IKBKE: variants seen among roughly 807,000 people sequenced by gnomAD.
IKBKE encodes inhibitor of nuclear factor kappa-B kinase subunit epsilon.
IKBKE carries 45 observed loss-of-function variants against 92.1 expected under a neutral mutation model. The ratio of observed to expected loss-of-function variants is 0.49; its 90% CI spans 0.38 to 0.63. The LOEUF (loss-of-function observed/expected upper bound fraction) is 0.63, where lower values mean the gene tolerates loss of function less well. IKBKE is among the 20% of genes least tolerant of loss of function. The probability of loss-of-function intolerance (pLI) is 0.00; values close to 1 mark genes in which losing one functional copy is unlikely to be tolerated. For missense variants in IKBKE, 700 were observed against 932.8 expected, an observed-to-expected ratio of 0.75 and a Z score of 3.25; for synonymous variants, 374 against 380.3, an observed-to-expected ratio of 0.98 and a Z score of 0.19.
Position 206,480,108 on chromosome 1 carries a change from G to A in IKBKE, c.1335G>A (p.Trp445Ter), listed in dbSNP as rs1379829897. 1 of 1,572,902 alleles carries A rather than the reference G, an allele frequency of 6.4e-7. No homozygotes were observed. Among genetic ancestry groups the A allele is most frequent in the Admixed American group, 2.0e-5 (1 of 50,292 alleles). The change falls in exon 12 of 22, where the codon TGG (tryptophan) becomes TGA (stop). Residue 445 changes from tryptophan (W) to a stop codon, truncating the protein, a stop_gained. Coordinates refer to ENST00000581977, the MANE Select transcript of IKBKE (RefSeq NM_014002.4). LOFTEE classifies it high-confidence loss of function. ...GQELMFRGLH[W>*]VMEVLQATCR... ...AGCTAATGTTTCGGGGGCTGCACTGGGTCATGTGAGTAATCATGAGGGCTG... is the reference window on the plus strand; with the variant it reads ...AGCTAATGTTTCGGGGGCTGCACTGAGTCATGTGAGTAATCATGAGGGCTG...
Position 206,496,628 on chromosome 1 carries a change from C to G in IKBKE, c.*483C>G, listed in dbSNP as rs1177724471. The G allele has an allele frequency of 4.3e-6, 1 of 234,946 alleles. No homozygotes were observed. The highest frequency in any genetic ancestry group is 2.2e-5 in the African/African-American group (1 of 45,422). The allele number at this position is 234,946 out of a possible 1,614,324, so 14.6% of individuals were successfully genotyped here. ...CATGTTGAACACAGCTCTCTCCGCT[C>G]CCTTGTGATTTCTGAGGGTCACCAC... On this transcript the variant is annotated 3_prime_UTR_variant, in exon 22 of 22. Transcript: ENST00000581977.
In IKBKE at chr1:206,485,883, A is replaced by G. The variant is rs1245493054; in HGVS notation, c.1616+577A>G. On this transcript the variant is annotated intron_variant, in intron 15 of 21. Coordinates refer to ENST00000581977, the MANE Select transcript of IKBKE (RefSeq NM_014002.4). This position sits in a 1 kb window ranked among gnomAD's most constrained non-coding sequence, Gnocchi z 5.0. ...AGACATAAAAATACCCCCCTCCCCC[A>G]GGCCCCAGCTGACTGTGGGGAGCCG... Among the ~76,000 whole-genome samples the G allele has an allele frequency of 6.6e-6, 1 of 152,082 alleles. No individual in the cohort carries two copies. The highest frequency in any genetic ancestry group is 2.4e-5 in the African/African-American group (1 of 41,410).
Position 206,490,805 on chromosome 1 carries a change from T to C in IKBKE, c.1694-14T>C. Reference sequence around the variant, plus strand: ...GATTGAATAGGTGACATCTGTTCTGTCTGTTTCCTCCAGGGCTTGGCTACA... The same window carrying C: ...GATTGAATAGGTGACATCTGTTCTGCCTGTTTCCTCCAGGGCTTGGCTACA... On this transcript the variant is annotated splice_polypyrimidine_tract_variant and intron_variant, in intron 16 of 21. Transcript: ENST00000581977. This position sits in a 1 kb window ranked among gnomAD's most constrained non-coding sequence, Gnocchi z 5.2. The C allele has an allele frequency of 6.2e-7, 1 of 1,613,918 alleles. No individual in the cohort carries two copies. Among genetic ancestry groups the C allele is most frequent in the Non-Finnish European group, 8.5e-7 (1 of 1,179,772 alleles).
rs1572260035 is a variant in IKBKE, at chr1:206,487,853, T to C, written c.1617-61T>C. 7.5e-7 allele frequency: 1 copy of C among 1,337,018 alleles called. No homozygotes were observed. The highest frequency in any genetic ancestry group is 1.1e-6 in the Non-Finnish European group (1 of 941,574). 82.8% of individuals were successfully genotyped at this position (1,337,018 alleles called of 1,614,324 possible). A position where few individuals can be genotyped will look rare whatever the true frequency, so the allele number is the denominator to read the frequency against. On this transcript the variant is annotated intron_variant, in intron 15 of 21. Coordinates refer to ENST00000581977, the MANE Select transcript of IKBKE (RefSeq NM_014002.4). The surrounding 1 kb of genome is among the most constrained non-coding windows in gnomAD (Gnocchi z 5.3). ...ATTCCACTGCCACCCTTCCCCTCCCTCCCTCTTTCCTCTGTGCTATTAGAT... is the reference window on the plus strand; with the variant it reads ...ATTCCACTGCCACCCTTCCCCTCCCCCCCTCTTTCCTCTGTGCTATTAGAT...
At chr1:206,492,402 G>C (rs782048880) in intron 18 of IKBKE, 1 of 468,254 alleles carries the variant, frequency 2.1e-6, no homozygotes, top group Non-Finnish European at 4.4e-6. Context: ...CTTGTTATGG[G>C]GCTGAGACCT....
chr1:206,474,514 CT>C, intron 4 of IKBKE, 43 bp downstream of exon 4: 1 of 1,562,706 alleles, frequency 6.4e-7, no homozygotes, highest in Non-Finnish European at 8.7e-7. Context: ...GTCCTTGACC[CT>C]TATGGTCTGG....
intron 16 of IKBKE, among the ~76,000 whole-genome samples, chr1:206,489,711 AAC>A (rs1167909771): frequency 1.3e-5 from 2 of 151,836 alleles, no homozygotes; most frequent in African/African-American, 4.8e-5. Context: ...CCCTGTCTCA[AAC>A]AACAACAATA....
intron 13 of IKBKE, among the ~76,000 whole-genome samples, chr1:206,482,629 T>G (rs1665465913): frequency 6.6e-6 from 1 of 152,190 alleles, no homozygotes; most frequent in South Asian, 2.1e-4. Flanking sequence ...GCAAAAACAG[T>G]TGTGAGCAGG....
chr1:206,496,225 G>C lies in IKBKE; in HGVS notation c.*80G>C. 1 of 1,185,256 alleles carries C rather than the reference G, an allele frequency of 8.4e-7. No individual in the cohort carries two copies. Among genetic ancestry groups the C allele is most frequent in the Non-Finnish European group, 1.3e-6 (1 of 788,688 alleles). The allele number at this position is 1,185,256 out of a possible 1,614,324, so 73.4% of individuals were successfully genotyped here. On this transcript the variant is annotated 3_prime_UTR_variant, in exon 22 of 22. Coordinates refer to ENST00000581977, the MANE Select transcript of IKBKE (RefSeq NM_014002.4). The stretch of plus-strand genomic sequence containing the variant: ...CTTCTGCACCATGAGACCAACCCAG[G>C]GCAAGATCCCATCCCATCACATCAG...
At position 206,478,200 on chromosome 1, in the gene IKBKE, C is replaced by T. The variant is rs1553385978; in HGVS notation, c.853C>T (p.Leu285=). Residue 285 remains leucine (L), a synonymous_variant, in exon 9 of 22, where the codon CTG becomes TTG. Transcript: ENST00000581977. This position sits in a 1 kb window ranked among gnomAD's most constrained non-coding sequence, Gnocchi z 4.8. Reference sequence around the variant, plus strand: ...GCTGGTGCCCATCCTGGCCAACATCCTGGAGGTGGAGCAGGCCAAGTGCTG... The same window carrying T: ...GCTGGTGCCCATCCTGGCCAACATCTTGGAGGTGGAGCAGGCCAAGTGCTG... The part of the protein sequence containing the change: ...SQLVPILANI[L]EVEQAKCWGF... 3.1e-6 allele frequency: 5 copies of T among 1,614,028 alleles called. No homozygotes were observed. The Admixed American group carries it at 8.3e-5, about 27-fold the overall frequency.
chr1:206,474,529 G>T, intron 4 of IKBKE, 58 bp downstream of exon 4: 1 of 1,480,328 alleles, frequency 6.8e-7, no homozygotes, highest in Non-Finnish European at 9.2e-7. Flanking sequence ...GGTCTGGGGA[G>T]AATCAGGCCA....
rs1226446426 is a variant in IKBKE, at chr1:206,487,861, T to C, written c.1617-53T>C. 4 of 1,454,912 alleles carry C rather than the reference T, an allele frequency of 2.7e-6. No homozygotes were observed. Among genetic ancestry groups the C allele is most frequent in the Non-Finnish European group, 3.8e-6 (4 of 1,042,640 alleles). The allele number at this position is 1,454,912 out of a possible 1,614,324, so 90.1% of individuals were successfully genotyped here. On this transcript the variant is annotated intron_variant, in intron 15 of 21. Coordinates refer to ENST00000581977, the MANE Select transcript of IKBKE (RefSeq NM_014002.4). This position sits in a 1 kb window ranked among gnomAD's most constrained non-coding sequence, Gnocchi z 5.3. ...GCCACCCTTCCCCTCCCTCCCTCTT[T>C]CCTCTGTGCTATTAGATTCTTCCAA...
intron 19 of IKBKE, 50 bp downstream of exon 19, chr1:206,493,169 G>T (rs376429180): frequency 6.4e-7 from 1 of 1,559,874 alleles, no homozygotes; most frequent in Non-Finnish European, 8.8e-7. Context: ...AGGCTGGGGC[G>T]CTTGTTACCC....
intron 21 of IKBKE, among the ~76,000 whole-genome samples, chr1:206,495,680 A>G (rs1218119101): frequency 6.6e-6 from 1 of 152,218 alleles, no homozygotes; most frequent in Admixed American, 6.5e-5. Flanking sequence ...TGCCAACAAA[A>G]ATTGCTCTTG....
At chr1:206,479,722 A>C in intron 10 of IKBKE, 148 bp from the exon 11 acceptor site, 1 of 836,140 alleles carries the variant, frequency 1.2e-6, no homozygotes, top group Admixed American at 2.2e-5. Context: ...AGTGTGGCTA[A>C]GGCTGGCAAG....
At chr1:206,473,087 C>T (rs778115969) in intron 2 of IKBKE, 109 bp from the exon 3 acceptor site, 7 of 695,540 alleles carry the variant, frequency 1.0e-5, no homozygotes, top group Non-Finnish European at 1.8e-5. Flanking sequence ...GGAATGGCCA[C>T]ATGGAGCCCT....
In IKBKE at chr1:206,496,246, A is replaced by T; in HGVS notation, c.*101A>T. 1 of 949,156 alleles carries T rather than the reference A, an allele frequency of 1.1e-6. No individual in the cohort carries two copies. The allele number at this position is 949,156 out of a possible 1,614,324, so 58.8% of individuals were successfully genotyped here. On this transcript the variant is annotated 3_prime_UTR_variant, in exon 22 of 22. Transcript: ENST00000581977. ...CCAGGGCAAGATCCCATCCCATCAC[A>T]TCAGCCTACCTCCCTCCTGGCTGCT...
intron 18 of IKBKE, chr1:206,492,189 C>A: frequency 3.0e-6 from 1 of 338,528 alleles, no homozygotes; most frequent in African/African-American, 2.1e-5. Flanking sequence ...TTTAGGAGAA[C>A]ACTAGGTGCC....
intron 3 of IKBKE, among the ~76,000 whole-genome samples, chr1:206,473,817 C>G (rs1313192596): frequency 6.6e-6 from 1 of 151,968 alleles, no homozygotes; most frequent in Non-Finnish European, 1.5e-5. Context: ...CAAAAATTAG[C>G]TGGGCATGGT....
Sources: gnomAD v4.1 joint callset for allele counts (sites outside exome capture counted in the v4.1 genomes callset) on GRCh38, gnomAD v4.1.1 for gene constraint, Gnocchi (gnomAD v3.1) non-coding constraint, MANE v1.5 for transcripts, NCBI Gene and HGNC (gene_info 2026-07-23, HGNC 2026-07-21) for gene names.